LOC128092252: variants seen among roughly 807,000 people sequenced by gnomAD.
the LOC128092252 span, chr15:50,663,130 G>GT: frequency 1.9e-6 from 2 of 1,048,646 alleles, no homozygotes; most frequent in Non-Finnish European, 2.8e-6. Flanking sequence ...CACATAAACA[G>GT]TTCTTTTTTT....
At chr15:50,678,361 C>T in the LOC128092252 span, among the ~76,000 whole-genome samples, 1,354 of 151,498 alleles carry the variant, frequency 8.9e-3, 17 homozygotes, top group African/African-American at 0.031. Flanking sequence ...AACATGCCTG[C>T]CAAGGGTGAC....
the LOC128092252 span, among the ~76,000 whole-genome samples, chr15:50,677,467 G>A: frequency 2.6e-5 from 4 of 151,990 alleles, no homozygotes; most frequent in South Asian, 4.2e-4. Flanking sequence ...GAGGCTGGGC[G>A]TGGTGGCTCA....
the LOC128092252 span, among the ~76,000 whole-genome samples, chr15:50,664,207 A>G: frequency 9.3e-5 from 14 of 150,412 alleles, no homozygotes; most frequent in African/African-American, 3.2e-4. Flanking sequence ...CTGAGGCAGG[A>G]GAATCGCTTG....
chr15:50,679,752 C>G, the LOC128092252 span, among the ~76,000 whole-genome samples: 2 of 150,818 alleles, frequency 1.3e-5, no homozygotes, highest in Admixed American at 6.6e-5. Context: ...CCAGGCTGGT[C>G]TCAAACTCCT....
the LOC128092252 span, among the ~76,000 whole-genome samples, chr15:50,659,689 AT>A: frequency 6.6e-6 from 1 of 150,662 alleles, no homozygotes; most frequent in Non-Finnish European, 1.5e-5. Flanking sequence ...TTTTTTTGAG[AT>A]GGAGTCTCAC....
At chr15:50,663,133 C>CTT in the LOC128092252 span, 292 of 803,172 alleles carry the variant, frequency 3.6e-4, no homozygotes, top group East Asian at 4.9e-4. Context: ...ATAAACAGTT[C>CTT]TTTTTTTTTT....
the LOC128092252 span, among the ~76,000 whole-genome samples, chr15:50,651,524 C>T: frequency 1.3e-5 from 2 of 151,376 alleles, no homozygotes; most frequent in Admixed American, 6.6e-5. Flanking sequence ...TTGTTGGGCA[C>T]GGTGGCTCAT....
chr15:50,670,289 G>C, the LOC128092252 span, among the ~76,000 whole-genome samples: 1 of 152,258 alleles, frequency 6.6e-6, no homozygotes, highest in South Asian at 2.1e-4. Flanking sequence ...ATCTTGAATA[G>C]GGGCTGAGTA....
chr15:50,662,838 C>T, the LOC128092252 span: 6 of 727,180 alleles, frequency 8.3e-6, no homozygotes, highest in South Asian at 6.7e-5. Flanking sequence ...AAATGATTAA[C>T]AGTAATTATA....
At chr15:50,686,480 C>A in the LOC128092252 span, 2 of 1,614,122 alleles carry the variant, frequency 1.2e-6, no homozygotes, top group Non-Finnish European at 1.7e-6. Flanking sequence ...TCTCCTTTAC[C>A]GCCCGCAACC....
chr15:50,649,311 C>T, the LOC128092252 span, among the ~76,000 whole-genome samples: 6 of 152,090 alleles, frequency 3.9e-5, no homozygotes, highest in South Asian at 6.2e-4. Context: ...TGGTGGCATA[C>T]ACCTGTAGTC....
the LOC128092252 span, among the ~76,000 whole-genome samples, chr15:50,674,883 G>C: frequency 6.6e-6 from 1 of 152,152 alleles, no homozygotes; most frequent in South Asian, 2.1e-4. Context: ...ATAGTTTTGG[G>C]TTTTTTCCAA....
chr15:50,651,991 A>G, the LOC128092252 span, among the ~76,000 whole-genome samples: 1 of 152,044 alleles, frequency 6.6e-6, no homozygotes, highest in Non-Finnish European at 1.5e-5. Context: ...AAAACTAAAA[A>G]TAACAGCAAA....
At chr15:50,657,883 T>C in the LOC128092252 span, 5 of 1,296,680 alleles carry the variant, frequency 3.9e-6, no homozygotes, top group East Asian at 2.5e-5. Flanking sequence ...TTAAAGTATA[T>C]AAAATACATA....
At chr15:50,652,478 A>G in the LOC128092252 span, among the ~76,000 whole-genome samples, 1 of 151,524 alleles carries the variant, frequency 6.6e-6, no homozygotes, top group Non-Finnish European at 1.5e-5. Context: ...ACTGAACAGG[A>G]AAATAAATCA....
the LOC128092252 span, among the ~76,000 whole-genome samples, chr15:50,666,208 A>G: frequency 3.3e-5 from 5 of 152,088 alleles, no homozygotes; most frequent in South Asian, 1.0e-3. Context: ...ACAAGAAGCC[A>G]GGCAGATCAC....
At chr15:50,665,289 C>T in the LOC128092252 span, among the ~76,000 whole-genome samples, 1 of 151,730 alleles carries the variant, frequency 6.6e-6, no homozygotes, top group East Asian at 2.0e-4. Context: ...CCCAACTACT[C>T]AGGAGGCTGA....
the LOC128092252 span, among the ~76,000 whole-genome samples, chr15:50,670,810 G>GA: frequency 0.068 from 7,690 of 113,440 alleles, 554 homozygotes; most frequent in African/African-American, 0.2. Flanking sequence ...AAAAGAAAAA[G>GA]AAAAAAAAAA....
the LOC128092252 span, among the ~76,000 whole-genome samples, chr15:50,676,829 G>T: frequency 1.3e-5 from 2 of 152,230 alleles, no homozygotes; most frequent in African/African-American, 4.8e-5. Flanking sequence ...TGATGGGAAA[G>T]TTTCCGCAAG....
Sources: allele counts gnomAD v4.1 joint callset (sites outside exome capture counted in the v4.1 genomes callset), GRCh38; gene constraint gnomAD v4.1.1; transcripts MANE v1.5.